SPG7: variants seen among roughly 807,000 people sequenced by gnomAD.
The protein encoded by SPG7 is SPG7 matrix AAA peptidase subunit, paraplegin.
Under a neutral mutation model 81.9 loss-of-function variants are expected in SPG7, and 103 were observed. The observed-to-expected ratio is 1.26, with a 90% CI of 1.07 to 1.48. The LOEUF (loss-of-function observed/expected upper bound fraction) is 1.48. Ranked by LOEUF, SPG7 falls within the 40% of genes most tolerant of loss-of-function variation. SPG7 has a pLI of 0.00. For synonymous variants in SPG7, 534 were observed against 444.2 expected (o/e 1.20, Z -2.54); for missense variants, 1,241 against 1,087.3 (o/e 1.14, Z -1.99).
At chr16:89,522,630 G>C (rs572764988) in intron 3 of SPG7, 1 of 152,776 alleles carries the variant, frequency 6.5e-6, no homozygotes, top group Non-Finnish European at 1.5e-5. Context: ...TGCTGTGTCC[G>C]TGGTGGTTTG....
rs1363262927 is a variant in SPG7, at chr16:89,512,944, A to C, written c.287-4A>C. ...TTGTTAAATCCTTTCTCTATTTCTCATAGGTGGTACTTTCTATTTTAACAC... is the reference window on the plus strand; with the variant it reads ...TTGTTAAATCCTTTCTCTATTTCTCCTAGGTGGTACTTTCTATTTTAACAC... On this transcript the variant is annotated splice_region_variant and splice_polypyrimidine_tract_variant and intron_variant, in intron 2 of 16. Coordinates refer to ENST00000645818, the MANE Select transcript of SPG7 (RefSeq NM_003119.4). The C allele has an allele frequency of 6.2e-7, 1 of 1,612,834 alleles. No individual in the cohort carries two copies.
chr16:89,523,650 C>T (rs1407692347), intron 3 of SPG7: 3 of 462,764 alleles, frequency 6.5e-6, no homozygotes, highest in Non-Finnish European at 4.3e-6. Flanking sequence ...GGCGCGATCA[C>T]GGCTCACTGC....
At chr16:89,508,663 G>A in intron 1 of SPG7, 63 bp downstream of exon 1, 3 of 1,409,864 alleles carry the variant, frequency 2.1e-6, no homozygotes, top group South Asian at 1.5e-5. Flanking sequence ...GGCCCAGCCC[G>A]GCGGGGCGGG....
At chr16:89,515,915 G>A (rs769741927) in intron 3 of SPG7, among the ~76,000 whole-genome samples, 11 of 151,404 alleles carry the variant, frequency 7.3e-5, no homozygotes, top group Admixed American at 2.0e-4. Context: ...CACCATGTTG[G>A]CAAGGATGGT....
intron 16 of SPG7, chr16:89,555,109 GTCTC>G (rs749730993): frequency 6.9e-4 from 106 of 153,644 alleles, no homozygotes; most frequent in Non-Finnish European, 1.2e-3. Flanking sequence ...TTGAGATGGA[GTCTC>G]TCTCTGTCAC....
intron 12 of SPG7, 156 bp from the exon 13 acceptor site, chr16:89,550,337 TA>T (rs1302302817): frequency 1.1e-5 from 7 of 651,944 alleles, no homozygotes; most frequent in Non-Finnish European, 2.0e-5. Context: ...CACACCTAGC[TA>T]ATTTTTCTAT....
In SPG7 at chr16:89,532,957, C is replaced by A. The variant is rs116157459; in HGVS notation, c.1324+321C>A. 794 of 377,408 alleles carry A rather than the reference C, an allele frequency of 2.1e-3. 8 individuals are homozygous for A. The highest frequency in any genetic ancestry group is 0.016 in the African/African-American group (767 of 46,950). The allele number at this position is 377,408 out of a possible 1,614,324, so 23.4% of individuals were successfully genotyped here. On this transcript the variant is annotated intron_variant, in intron 9 of 16. Transcript: ENST00000645818. ...AGTCAGCCGGGTGTGGTGGCAGGTG[C>A]TTATAATCGCTAGTACTCTGGAGAA...
At chr16:89,544,004 T>G (rs2058532879) in intron 9 of SPG7, 1 of 162,854 alleles carries the variant, frequency 6.1e-6, no homozygotes, top group African/African-American at 2.4e-5. Flanking sequence ...CTGAGTACGT[T>G]TCTTTAAATT....
intron 11 of SPG7, chr16:89,547,727 C>G (rs1026099977): frequency 2.4e-6 from 1 of 419,670 alleles, no homozygotes; most frequent in South Asian, 2.1e-5. Flanking sequence ...ATTTTCCTGC[C>G]TCAGCCTCCT....
intron 9 of SPG7, chr16:89,543,327 T>C (rs1351986703): frequency 6.8e-6 from 1 of 147,382 alleles, no homozygotes; most frequent in Non-Finnish European, 1.5e-5. Flanking sequence ...CTTTTAACAC[T>C]GTTTATTGTG....
intron 1 of SPG7, among the ~76,000 whole-genome samples, chr16:89,509,163 G>T (rs992512840): frequency 6.6e-6 from 1 of 152,150 alleles, no homozygotes; most frequent in East Asian, 1.9e-4. Context: ...ATCTCCTCCC[G>T]AAAACCAGAC....
intron 9 of SPG7, chr16:89,533,270 C>G (rs1368037721): frequency 2.0e-5 from 3 of 152,826 alleles, no homozygotes; most frequent in African/African-American, 7.2e-5. Flanking sequence ...CGGGTTCTCG[C>G]CATTCTCCTG....
Position 89,508,571 on chromosome 16 carries a change from C to T in SPG7, c.154C>T (p.Leu52Phe). Residue 52 changes from leucine (L) to phenylalanine (F), a missense_variant, in exon 1 of 17, where the codon CTC becomes TTC. Transcript: ENST00000645818. The part of the protein sequence containing the change: ...PYMASRPPGD[L>F]AEAGGRALQS... ...CATGGCCAGCAGGCCTCCGGGGGACCTCGCCGAGGCTGGAGGCCGAGCTCT... is the reference window on the plus strand; with the variant it reads ...CATGGCCAGCAGGCCTCCGGGGGACTTCGCCGAGGCTGGAGGCCGAGCTCT... The T allele has an allele frequency of 6.7e-7, 1 of 1,489,114 alleles. No homozygotes were observed. Among genetic ancestry groups the T allele is most frequent in the Non-Finnish European group, 8.9e-7 (1 of 1,125,474 alleles). The allele number at this position is 1,489,114 out of a possible 1,614,324, so 92.2% of individuals were successfully genotyped here. A position where few individuals can be genotyped will look rare whatever the true frequency, so the allele number is the denominator to read the frequency against.
Position 89,546,714 on chromosome 16 carries a change from C to T in SPG7, c.1506C>T (p.Ser502=), listed in dbSNP as rs1309941620. 2.5e-6 allele frequency: 4 copies of T among 1,613,706 alleles called. No individual in the cohort carries two copies. In the Admixed American group the frequency reaches 5.0e-5, roughly 20 times the overall value. The change falls in exon 11 of 17, where the codon AGC becomes AGT. Residue 502 remains serine (S), a synonymous_variant. Coordinates refer to ENST00000645818, the MANE Select transcript of SPG7 (RefSeq NM_003119.4). ...HLKSLKLTQS[S]TFYSQRLAEL... is the part of the protein sequence containing the mutation. ...AGAGCCTGAAGCTGACCCAGTCCAG[C>T]ACCTTTTACTCCCAGCGTCTGGCAG...
At chr16:89,514,419 C>G (rs1317189248) in intron 3 of SPG7, 1 of 143,502 alleles carries the variant, frequency 7.0e-6, no homozygotes, top group Non-Finnish European at 1.5e-5. Flanking sequence ...CTCCCGGGTT[C>G]AAGCAATTCT....
intron 9 of SPG7, among the ~76,000 whole-genome samples, chr16:89,542,432 A>C (rs954139638): frequency 1.3e-5 from 2 of 152,174 alleles, no homozygotes; most frequent in Non-Finnish European, 2.9e-5. Context: ...TTTAAAAGTC[A>C]CCGTGATTTT....
chr16:89,532,673 T>C, intron 9 of SPG7, 37 bp downstream of exon 9: 1 of 1,611,228 alleles, frequency 6.2e-7, no homozygotes, highest in Non-Finnish European at 8.5e-7. Flanking sequence ...CATTGCACCA[T>C]CAGAGGAGGT....
At chr16:89,546,301 C>T in intron 10 of SPG7, 1 of 336,072 alleles carries the variant, frequency 3.0e-6, no homozygotes, top group African/African-American at 2.1e-5. Flanking sequence ...GGCCAGACTG[C>T]CCACTTCAGC....
chr16:89,545,682 T>C (rs2058555410), intron 10 of SPG7: 1 of 266,618 alleles, frequency 3.8e-6, no homozygotes, highest in African/African-American at 2.4e-5. Flanking sequence ...GAGGGCAGCT[T>C]CTCCAGGGGA....
Sources: gnomAD v4.1 joint callset for allele counts (sites outside exome capture counted in the v4.1 genomes callset) on GRCh38, gnomAD v4.1.1 for gene constraint, MANE v1.5 for transcripts, NCBI Gene and HGNC (gene_info 2026-07-23, HGNC 2026-07-21) for gene names.